The following SLC22A5 variants were observed in gnomAD, a reference collection of about 807,000 sequenced individuals.
The protein encoded by SLC22A5 is organic cation/carnitine transporter 2.
A neutral mutation model predicts 56.7 loss-of-function variants in SLC22A5; 44 were observed. That is an observed-to-expected ratio of 0.78 (90% CI 0.61 to 1.00). The LOEUF (loss-of-function observed/expected upper bound fraction) is 1.00. Among genes scored for constraint, SLC22A5 ranks in the 50% least tolerant of loss-of-function variants. SLC22A5 has a pLI of 0.00. For synonymous variants in SLC22A5, 278 were observed against 292.1 expected, an observed-to-expected ratio of 0.95 and a Z score of 0.49; for missense variants, 675 against 723.0, an observed-to-expected ratio of 0.93 and a Z score of 0.76.
chr5:132,378,556 A>T, intron 2 of SLC22A5, 75 bp downstream of exon 2: 1 of 1,071,652 alleles, frequency 9.3e-7, no homozygotes, highest in South Asian at 1.2e-5. Context: ...CCTTGATTTC[A>T]GTTGGTAGTA....
intron 3 of SLC22A5, among the ~76,000 whole-genome samples, chr5:132,384,570 G>C (rs1752459085): frequency 2.0e-5 from 3 of 152,260 alleles, no homozygotes; most frequent in East Asian, 3.9e-4. Flanking sequence ...CTTAGTACTT[G>C]ATGGTCAATT....
chr5:132,385,219 G>C (rs1752480827), intron 3 of SLC22A5, 109 bp from the exon 4 acceptor site: 1 of 1,013,622 alleles, frequency 9.9e-7, no homozygotes, highest in South Asian at 1.3e-5. Flanking sequence ...TGAACTTAGA[G>C]AGAGTTCTCG....
chr5:132,394,134 G>A (rs746571367), intron 9 of SLC22A5, 51 bp from the exon 10 acceptor site: 21 of 1,153,422 alleles, frequency 1.8e-5, no homozygotes, highest in Non-Finnish European at 2.5e-5. Context: ...TGGAGACTGG[G>A]AGGCATCTTT....
At chr5:132,385,275 TAAGG>T (rs1752482890) in intron 3 of SLC22A5, 49 bp from the exon 4 acceptor site, 5 of 1,490,940 alleles carry the variant, frequency 3.4e-6, no homozygotes, top group Non-Finnish European at 3.7e-6. Context: ...AAAAAATTAA[TAAGG>T]AAGGAACCCA....
chr5:132,371,945 A>C (rs993057452), intron 1 of SLC22A5, among the ~76,000 whole-genome samples: 3 of 152,000 alleles, frequency 2.0e-5, no homozygotes, highest in Non-Finnish European at 2.9e-5. Context: ...CCTTCAATGG[A>C]GTCTGAGAGC....
intron 5 of SLC22A5, among the ~76,000 whole-genome samples, chr5:132,388,579 C>G (rs1263516544): frequency 6.6e-6 from 1 of 152,076 alleles, no homozygotes; most frequent in Non-Finnish European, 1.5e-5. Context: ...AGCCAGGCTT[C>G]GGGAGGAATA....
rs1751837460 is a variant in SLC22A5, at chr5:132,370,123, C to T, written c.151C>T (p.Arg51Trp). 1.2e-6 allele frequency: 2 copies of T among 1,611,006 alleles called. No individual in the cohort carries two copies. Among genetic ancestry groups the T allele is most frequent in the South Asian group, 2.2e-5 (2 of 90,910 alleles). Reference sequence around the variant, plus strand: ...GATAGCGACCCCGGAGCACCGCTGCCGGGTGCCGGACGCCGCGAACCTGAG... The same window carrying T: ...GATAGCGACCCCGGAGCACCGCTGCTGGGTGCCGGACGCCGCGAACCTGAG... ...FLIATPEHRC[R>W]VPDAANLSSA... Residue 51 changes from arginine to tryptophan, a missense_variant, in exon 1 of 10, where the codon CGG (arginine) becomes TGG (tryptophan). Transcript: ENST00000245407.
At chr5:132,394,164 T>C (rs774871817) in intron 9 of SLC22A5, 21 bp from the exon 10 acceptor site, 2 of 1,498,674 alleles carry the variant, frequency 1.3e-6, no homozygotes, top group Non-Finnish European at 1.9e-6. Context: ...GTTACTGACA[T>C]ATTTTTGCTT....
chr5:132,383,564 C>T (rs1321494615), intron 2 of SLC22A5: 3 of 158,282 alleles, frequency 1.9e-5, no homozygotes, highest in African/African-American at 7.2e-5. Context: ...CAATTCCTGA[C>T]TGTCTCTTTA....
chr5:132,395,406 C>T lies in SLC22A5; in HGVS notation c.*1134C>T, dbSNP rs1194257947. 6.5e-6 allele frequency: 1 copy of T among 152,678 alleles called. No individual in the cohort carries two copies. Among genetic ancestry groups the T allele is most frequent in the Non-Finnish European group, 1.5e-5 (1 of 68,024 alleles). The allele number at this position is 152,678 out of a possible 1,614,324, so 9.5% of individuals were successfully genotyped here. ...AATTTAAATTGTGTTCATAGTCTTT[C>T]AGAGTAGCTCACTTTAGTCCTGTAA... On this transcript the variant is annotated 3_prime_UTR_variant, in exon 10 of 10. Transcript: ENST00000245407.
intron 1 of SLC22A5, among the ~76,000 whole-genome samples, chr5:132,371,039 G>A (rs1026635841): frequency 6.1e-5 from 9 of 147,576 alleles, no homozygotes; most frequent in African/African-American, 2.0e-4. Context: ...CTTCGCAGTC[G>A]TGCGTTCTTG....
intron 3 of SLC22A5, among the ~76,000 whole-genome samples, chr5:132,384,722 C>T (rs1023391946): frequency 6.6e-6 from 1 of 152,232 alleles, no homozygotes; most frequent in Non-Finnish European, 1.5e-5. Flanking sequence ...AACCCCTTGT[C>T]TGCAGAGCAC....
intron 8 of SLC22A5, 51 bp from the exon 9 acceptor site, chr5:132,393,625 A>G (rs1383892951): frequency 6.2e-7 from 1 of 1,610,590 alleles, no homozygotes. Context: ...TAGATGAGAG[A>G]CCAAGTCTAA....
At position 132,387,090 on chromosome 5, in the gene SLC22A5, T is replaced by C. The variant is rs1752558213; in HGVS notation, c.890T>C (p.Ile297Thr). The part of the protein sequence containing the change: ...QGRFEEAEVI[I>T]RKAAKANGIV... ...CGATTTGAAGAGGCAGAGGTGATCA[T>C]CCGCAAGGCTGCCAAAGCCAATGGG... Residue 297 changes from isoleucine to threonine, a missense_variant, in exon 5 of 10, where the codon ATC becomes ACC. Transcript: ENST00000245407. 6.2e-6 allele frequency: 10 copies of C among 1,614,142 alleles called. No individual in the cohort carries two copies. The highest frequency in any genetic ancestry group is 6.8e-6 in the Non-Finnish European group (8 of 1,180,016).
At position 132,384,246 on chromosome 5, in the gene SLC22A5, G is replaced by A; in HGVS notation, c.597G>A (p.Leu199=). The A allele has an allele frequency of 1.2e-6, 2 of 1,614,234 alleles. No homozygotes were observed. The highest frequency in any genetic ancestry group is 1.1e-5 in the South Asian group (1 of 91,084). Residue 199 remains leucine (L), a synonymous_variant, in exon 3 of 10, where the codon CTG becomes CTA. Transcript: ENST00000245407. ...FSKNFEMFVV[L]FVLVGMGQIS... ...AGAATTTTGAGATGTTTGTCGTGCT[G>A]TTTGTCCTTGTAGGCATGGGCCAGA...
At chr5:132,375,020 C>T (rs954655219) in intron 1 of SLC22A5, among the ~76,000 whole-genome samples, 2 of 152,160 alleles carry the variant, frequency 1.3e-5, no homozygotes, top group South Asian at 4.1e-4. Context: ...TGCCACTGCA[C>T]TCCAGCCTGG....
At position 132,388,983 on chromosome 5, in the gene SLC22A5, G is replaced by T; in HGVS notation, c.1014G>T (p.Trp338Cys). ...SHNILDLLRT[W>C]NIRMVTIMSI... ...ACATTCTGGATCTGCTTCGAACCTG[G>T]AATATCCGGATGGTCACCATCATGT... Residue 338 changes from tryptophan to cysteine, a missense_variant, in exon 6 of 10, where the codon TGG becomes TGT. Trp to Cys is a radical substitution (Grantham distance 215). Transcript: ENST00000245407. The T allele has an allele frequency of 6.2e-7, 1 of 1,613,886 alleles. No homozygotes were observed. The highest frequency in any genetic ancestry group is 8.5e-7 in the Non-Finnish European group (1 of 1,179,792).
chr5:132,375,442 C>T (rs1447464350), intron 1 of SLC22A5, among the ~76,000 whole-genome samples: 1 of 152,158 alleles, frequency 6.6e-6, no homozygotes, highest in Non-Finnish European at 1.5e-5. Context: ...TAGGTACATC[C>T]CCTCAGGGAA....
At chr5:132,389,329 C>CA (rs890439257) in intron 6 of SLC22A5, 58 of 373,016 alleles carry the variant, frequency 1.6e-4, no homozygotes, top group Admixed American at 4.5e-4. Context: ...GTCTCCTACC[C>CA]AGTTACCGAC....
Sources: allele counts gnomAD v4.1 joint callset (sites outside exome capture counted in the v4.1 genomes callset), GRCh38; gene constraint gnomAD v4.1.1; transcripts MANE v1.5; gene names NCBI Gene and HGNC (gene_info 2026-07-23, HGNC 2026-07-21).